Variants in FMNL2 observed in about 807,000 individuals in gnomAD.
FMNL2 encodes the protein formin like 2.
Under a neutral mutation model 130.2 loss-of-function variants are expected in FMNL2, and 51 were observed. The observed-to-expected ratio is 0.39, with a 90% CI of 0.31 to 0.49. FMNL2 has a LOEUF of 0.49. Ranked by LOEUF, FMNL2 falls within the 20% of genes least tolerant of loss-of-function variation. FMNL2 has a pLI of 0.85. For synonymous variants in FMNL2, 465 were observed against 467.1 expected (o/e 1.00, Z 0.06); for missense variants, 977 against 1,316.2 (o/e 0.74, Z 3.99).
At chr2:152,527,661 T>C (rs1693462016) in intron 2 of FMNL2, among the ~76,000 whole-genome samples, 1 of 152,124 alleles carries the variant, frequency 6.6e-6, no homozygotes, top group African/African-American at 2.4e-5. Context: ...TGAATATCAC[T>C]ACGAACTCAT....
intron 1 of FMNL2, among the ~76,000 whole-genome samples, chr2:152,414,791 T>G (rs1165882472): frequency 6.7e-6 from 1 of 149,384 alleles, no homozygotes; most frequent in Non-Finnish European, 1.5e-5. Context: ...TGAAGATGAT[T>G]CTTCTTTTCC....
At position 152,345,901 on chromosome 2, in the gene FMNL2, C is replaced by T. The variant is rs181887068; in HGVS notation, c.117+10181C>T. Among the ~76,000 whole-genome samples the T allele has an allele frequency of 3.5e-3, 534 of 152,312 alleles. 6 individuals carry two copies. The highest frequency in any genetic ancestry group is 3.6e-3 in the Non-Finnish European group (244 of 68,022). On this transcript the variant is annotated intron_variant, in intron 1 of 25. Transcript: ENST00000288670. ...TTATAGCAGAATGTTTGGTTTGGTT[C>T]TCAGGGTCCACTTTTTGGAAAGCAT...
intron 10 of FMNL2, among the ~76,000 whole-genome samples, chr2:152,609,253 T>C (rs1003351033): frequency 6.6e-6 from 1 of 152,246 alleles, no homozygotes; most frequent in African/African-American, 2.4e-5. Flanking sequence ...ATGTGCTAGA[T>C]TCATGTGTCA....
intron 15 of FMNL2, 34 bp from the exon 16 acceptor site, chr2:152,625,404 G>A (rs2105916745): frequency 1.3e-6 from 2 of 1,585,464 alleles, no homozygotes; most frequent in Non-Finnish European, 1.7e-6. Context: ...GGCTTTTGGT[G>A]GGATCTTAAT....
intron 6 of FMNL2, among the ~76,000 whole-genome samples, chr2:152,563,548 A>G (rs937029144): frequency 6.6e-6 from 1 of 152,156 alleles, no homozygotes; most frequent in Non-Finnish European, 1.5e-5. Flanking sequence ...CTGTGACATA[A>G]AAACAGCAAT....
intron 25 of FMNL2, among the ~76,000 whole-genome samples, chr2:152,642,333 G>A (rs188405672): frequency 6.6e-6 from 1 of 152,184 alleles, no homozygotes; most frequent in Admixed American, 6.5e-5. Context: ...TCAAACCCAG[G>A]GAAATTAAAT....
At chr2:152,479,172 C>G (rs536861289) in intron 1 of FMNL2, among the ~76,000 whole-genome samples, 3 of 152,038 alleles carry the variant, frequency 2.0e-5, no homozygotes, top group Non-Finnish European at 4.4e-5. Flanking sequence ...TGCCCAGGCT[C>G]GAGTTCACTG....
rs999996672 is a variant in FMNL2 at position 152,648,790 on chromosome 2, C to T, written c.*885C>T. 3 of 152,570 alleles carry T rather than the reference C, an allele frequency of 2.0e-5. No individual in the cohort carries two copies. Among genetic ancestry groups the T allele is most frequent in the African/African-American group, 7.2e-5 (3 of 41,430 alleles). 9.5% of individuals were successfully genotyped at this position (152,570 alleles called of 1,614,324 possible). A position where few individuals can be genotyped will look rare whatever the true frequency, so the allele number is the denominator to read the frequency against. ...GGAACCTGGCCTTACTCTCCTCTGACAATCGCAATTTTTTCTTATTTTTTA... is the reference window on the plus strand; with the variant it reads ...GGAACCTGGCCTTACTCTCCTCTGATAATCGCAATTTTTTCTTATTTTTTA... On this transcript the variant is annotated 3_prime_UTR_variant, in exon 26 of 26. Coordinates refer to ENST00000288670, the MANE Select transcript of FMNL2 (RefSeq NM_052905.4).
In FMNL2 at chr2:152,453,353, G is replaced by A. The variant is rs372777566; in HGVS notation, c.118-68590G>A. On this transcript the variant is annotated intron_variant, in intron 1 of 25. Transcript: ENST00000288670. ...CAGTCTGCTCAGAAATACCCTTTGC[G>A]TATATATTTAAAAGAGCTTTCTGTG... Among the ~76,000 whole-genome samples the A allele has an allele frequency of 3.9e-5, 6 of 152,236 alleles. No individual in the cohort carries two copies. The South Asian group carries it at 1.0e-3, about 26-fold the overall frequency.
intron 21 of FMNL2, among the ~76,000 whole-genome samples, chr2:152,633,702 C>T (rs181852472): frequency 6.6e-6 from 1 of 152,248 alleles, no homozygotes; most frequent in Admixed American, 6.5e-5. Context: ...TTTAAGTTTC[C>T]CTTTGCCTAA....
chr2:152,507,663 T>C (rs1172525415), intron 1 of FMNL2, among the ~76,000 whole-genome samples: 1 of 152,240 alleles, frequency 6.6e-6, no homozygotes, highest in African/African-American at 2.4e-5. Flanking sequence ...TTATTTTACC[T>C]GAAGACTAGA....
At chr2:152,349,203 A>G (rs949884948) in intron 1 of FMNL2, among the ~76,000 whole-genome samples, 1 of 152,116 alleles carries the variant, frequency 6.6e-6, no homozygotes, top group Non-Finnish European at 1.5e-5. Flanking sequence ...TTATATAAGA[A>G]GGTGGTGAAG....
chr2:152,601,805 G>T (rs907229749), intron 9 of FMNL2, among the ~76,000 whole-genome samples: 1 of 151,680 alleles, frequency 6.6e-6, no homozygotes, highest in Non-Finnish European at 1.5e-5. Flanking sequence ...TAATACGTGG[G>T]ATTACAGGCG....
chr2:152,467,550 G>A (rs1689620975), intron 1 of FMNL2, among the ~76,000 whole-genome samples: 1 of 152,130 alleles, frequency 6.6e-6, no homozygotes, highest in African/African-American at 2.4e-5. Flanking sequence ...CTCATCCTGT[G>A]TAGTTACGCT....
chr2:152,406,493 T>C (rs970683204), intron 1 of FMNL2, among the ~76,000 whole-genome samples: 1 of 152,228 alleles, frequency 6.6e-6, no homozygotes, highest in Admixed American at 6.5e-5. Flanking sequence ...ACTTAAATGA[T>C]GTGATTGAAG....
intron 1 of FMNL2, among the ~76,000 whole-genome samples, chr2:152,416,137 G>A (rs1334237731): frequency 6.6e-6 from 1 of 152,162 alleles, no homozygotes; most frequent in Non-Finnish European, 1.5e-5. Context: ...TAGAGGGATA[G>A]TGTTATGGAC....
intron 2 of FMNL2, among the ~76,000 whole-genome samples, chr2:152,538,283 T>TG (rs1694110221): frequency 6.6e-6 from 1 of 151,868 alleles, no homozygotes. Context: ...GGTTTTTTTT[T>TG]TTTGTTTGTT....
chr2:152,342,427 T>C (rs528524845), intron 1 of FMNL2, among the ~76,000 whole-genome samples: 81 of 152,336 alleles, frequency 5.3e-4, no homozygotes, highest in African/African-American at 1.9e-3. Flanking sequence ...TACAGTTGCT[T>C]GGCAGATCTC....
chr2:152,593,815 C>T (rs1447438314), intron 9 of FMNL2, among the ~76,000 whole-genome samples: 1 of 117,214 alleles, frequency 8.5e-6, no homozygotes, highest in South Asian at 2.9e-4. Flanking sequence ...AATGAGAGAA[C>T]AAGTTTAAAC....
Sources: gnomAD v4.1 joint callset for allele counts (sites outside exome capture counted in the v4.1 genomes callset) on GRCh38, gnomAD v4.1.1 for gene constraint, MANE v1.5 for transcripts, NCBI Gene and HGNC (gene_info 2026-07-23, HGNC 2026-07-21) for gene names.